Variants in XRCC4 observed in about 807,000 individuals in gnomAD.
The protein encoded by XRCC4 is DNA repair protein XRCC4.
In XRCC4, 28 loss-of-function variants were observed where a neutral mutation model predicts 39.1. The observed-to-expected ratio is 0.72, with a 90% CI of 0.53 to 0.98. The LOEUF (loss-of-function observed/expected upper bound fraction) is 0.98, where lower values mean the gene tolerates loss of function less well. XRCC4 is among the 50% of genes least tolerant of loss of function. The pLI, the probability that XRCC4 is intolerant of heterozygous loss-of-function variation, is 0.00. For missense variants in XRCC4, 350 were observed against 376.4 expected (o/e 0.93, Z 0.58); for synonymous variants, 123 against 126.4 (o/e 0.97, Z 0.18).
chr5:83,326,743 A>G (rs1450521164), intron 7 of XRCC4, among the ~76,000 whole-genome samples: 4 of 152,040 alleles, frequency 2.6e-5, no homozygotes, highest in Non-Finnish European at 5.9e-5. Context: ...CTTGTAATCT[A>G]TTTCTTAAAG....
At chr5:83,337,828 A>AT (rs1473199668) in intron 7 of XRCC4, among the ~76,000 whole-genome samples, 11 of 152,302 alleles carry the variant, frequency 7.2e-5, no homozygotes, top group African/African-American at 2.6e-4. Context: ...TGAATAGGAG[A>AT]TAAGGACCTT....
chr5:83,184,508 T>C (rs1208403778), intron 3 of XRCC4, among the ~76,000 whole-genome samples: 1 of 152,126 alleles, frequency 6.6e-6, no homozygotes, highest in African/African-American at 2.4e-5. Context: ...ATTACTGTTT[T>C]AATTTAGTTT....
intron 7 of XRCC4, among the ~76,000 whole-genome samples, chr5:83,315,686 C>T (rs188491301): frequency 5.9e-5 from 9 of 152,150 alleles, no homozygotes; most frequent in Admixed American, 3.9e-4. Context: ...TGATGATACA[C>T]CTGATTATAG....
chr5:83,352,703 G>A (rs1264783684), intron 7 of XRCC4, among the ~76,000 whole-genome samples: 1 of 152,178 alleles, frequency 6.6e-6, no homozygotes, highest in African/African-American at 2.4e-5. Flanking sequence ...GGTAATTCAT[G>A]TGACCAAAAC....
intron 2 of XRCC4, among the ~76,000 whole-genome samples, chr5:83,110,158 G>A (rs1025735184): frequency 6.6e-6 from 1 of 151,972 alleles, no homozygotes; most frequent in Non-Finnish European, 1.5e-5. Context: ...TGCCACTTTG[G>A]CTAGAGGTGA....
At chr5:83,097,710 T>G (rs185631209) in intron 1 of XRCC4, among the ~76,000 whole-genome samples, 50 of 152,262 alleles carry the variant, frequency 3.3e-4, no homozygotes, top group Non-Finnish European at 6.5e-4. Flanking sequence ...TGCTGCTTAG[T>G]TAATGCTGTT....
intron 7 of XRCC4, among the ~76,000 whole-genome samples, chr5:83,291,438 CTTTAT>C (rs1002752051): frequency 1.3e-5 from 2 of 151,460 alleles, no homozygotes; most frequent in African/African-American, 2.4e-5. Context: ...TATATTTTTT[CTTTAT>C]TTTGAGTTGG....
At chr5:83,263,339 T>G (rs963523177) in intron 7 of XRCC4, among the ~76,000 whole-genome samples, 6 of 151,892 alleles carry the variant, frequency 4.0e-5, no homozygotes, top group African/African-American at 1.2e-4. Context: ...GCATGATTTA[T>G]AGTCCTTTGG....
At chr5:83,265,706 G>C (rs1029969985) in intron 7 of XRCC4, among the ~76,000 whole-genome samples, 1 of 151,982 alleles carries the variant, frequency 6.6e-6, no homozygotes, top group Admixed American at 6.6e-5. Context: ...AATGTATTCT[G>C]TATTAAACAC....
intron 6 of XRCC4, among the ~76,000 whole-genome samples, chr5:83,247,206 A>G (rs578168673): frequency 8.5e-5 from 13 of 152,312 alleles, no homozygotes; most frequent in African/African-American, 3.1e-4. Context: ...ATTTGGGGCT[A>G]TTGACAAGGA....
intron 3 of XRCC4, among the ~76,000 whole-genome samples, chr5:83,169,773 T>A (rs1279322028): frequency 6.6e-6 from 1 of 152,168 alleles, no homozygotes; most frequent in African/African-American, 2.4e-5. Context: ...AAAAAAATCC[T>A]TTTCATTTTA....
intron 3 of XRCC4, among the ~76,000 whole-genome samples, chr5:83,176,742 C>T (rs1484740663): frequency 6.6e-6 from 1 of 152,036 alleles, no homozygotes; most frequent in Non-Finnish European, 1.5e-5. Context: ...CCACCTCAGC[C>T]TTCTGAGTAG....
At chr5:83,256,650 A>C (rs534989561) in intron 6 of XRCC4, among the ~76,000 whole-genome samples, 78 of 151,818 alleles carry the variant, frequency 5.1e-4, no homozygotes, top group Admixed American at 4.8e-3. Context: ...AAAAAAAAAA[A>C]AAACTTCCTT....
chr5:83,116,423 C>G (rs1210045670), intron 3 of XRCC4, among the ~76,000 whole-genome samples: 1 of 152,060 alleles, frequency 6.6e-6, no homozygotes, highest in East Asian at 1.9e-4. Flanking sequence ...TGTGTGTTCA[C>G]TGTGCAATTT....
intron 3 of XRCC4, among the ~76,000 whole-genome samples, chr5:83,131,606 T>C (rs138322076): frequency 0.025 from 3,844 of 152,284 alleles, 78 homozygotes; most frequent in East Asian, 0.073. Context: ...CTCTTCTTGT[T>C]GAATTGGTGC....
intron 6 of XRCC4, among the ~76,000 whole-genome samples, chr5:83,224,807 A>G (rs1752227321): frequency 6.6e-6 from 1 of 152,064 alleles, no homozygotes; most frequent in Admixed American, 6.6e-5. Flanking sequence ...CAGATGTATG[A>G]TTTCCATGTG....
intron 1 of XRCC4, among the ~76,000 whole-genome samples, chr5:83,098,557 C>G (rs1197830170): frequency 6.6e-6 from 1 of 151,878 alleles, no homozygotes; most frequent in Admixed American, 6.6e-5. Context: ...AGAAAAAAAT[C>G]TAACTCAAAA....
At chr5:83,250,152 G>A (rs1027067774) in intron 6 of XRCC4, among the ~76,000 whole-genome samples, 4 of 152,138 alleles carry the variant, frequency 2.6e-5, no homozygotes, top group South Asian at 2.1e-4. Context: ...GGTAGCTGTT[G>A]AAAGCTGAGA....
chr5:83,349,263 T>A (rs1757009679), intron 7 of XRCC4, among the ~76,000 whole-genome samples: 1 of 152,130 alleles, frequency 6.6e-6, no homozygotes, highest in Non-Finnish European at 1.5e-5. Flanking sequence ...AGGCCCCTCC[T>A]CCAACATTGA....
Sources: allele counts gnomAD v4.1 joint callset (sites outside exome capture counted in the v4.1 genomes callset), GRCh38; gene constraint gnomAD v4.1.1; transcripts MANE v1.5; gene names NCBI Gene and HGNC (gene_info 2026-07-23, HGNC 2026-07-21).